Variants in PTPRD observed in about 807,000 individuals in gnomAD.
PTPRD encodes the protein protein tyrosine phosphatase receptor type D.
In PTPRD, 34 loss-of-function variants were observed where a neutral mutation model predicts 214.5. The ratio of observed to expected loss-of-function variants is 0.16; its 90% CI spans 0.12 to 0.21. PTPRD has a LOEUF of 0.21. Ranked by LOEUF, PTPRD falls within the 10% of genes least tolerant of loss-of-function variation. The pLI is 1.00. For synonymous variants in PTPRD, 1,128 were observed against 845.7 expected, an observed-to-expected ratio of 1.33 and a Z score of -5.79; for missense variants, 2,545 against 2,398.7, an observed-to-expected ratio of 1.06 and a Z score of -1.27.
chr9:8,713,423 T>C (rs1428292230), intron 12 of PTPRD: 1 of 1,099,946 alleles, frequency 9.1e-7, no homozygotes, highest in African/African-American at 1.5e-5. Flanking sequence ...CCTAATCGTG[T>C]CGTCGCCAAG....
intron 8 of PTPRD, among the ~76,000 whole-genome samples, chr9:9,419,029 A>C (rs1181905535): frequency 1.3e-5 from 2 of 151,668 alleles, no homozygotes; most frequent in Non-Finnish European, 3.0e-5. Flanking sequence ...TATTTTGTGC[A>C]AAAATTGAAT....
chr9:9,529,415 T>C (rs1462564250), intron 8 of PTPRD, among the ~76,000 whole-genome samples: 18 of 152,006 alleles, frequency 1.2e-4, no homozygotes, highest in Non-Finnish European at 1.5e-5. Context: ...AGCACTAGTA[T>C]ACAGGATCTT....
At chr9:9,550,268 T>A (rs1048237689) in intron 8 of PTPRD, among the ~76,000 whole-genome samples, 1 of 151,708 alleles carries the variant, frequency 6.6e-6, no homozygotes, top group Admixed American at 6.6e-5. Context: ...TCCTGCCAGC[T>A]TTCCCTACAG....
chr9:9,530,673 C>A (rs1192919086), intron 8 of PTPRD, among the ~76,000 whole-genome samples: 1 of 152,042 alleles, frequency 6.6e-6, no homozygotes, highest in Non-Finnish European at 1.5e-5. Flanking sequence ...GTGTCACACA[C>A]AATGACACAC....
At chr9:8,366,633 C>T (rs1362733679) in intron 39 of PTPRD, among the ~76,000 whole-genome samples, 1 of 152,176 alleles carries the variant, frequency 6.6e-6, no homozygotes, top group Non-Finnish European at 1.5e-5. Context: ...CTTGAGGAGG[C>T]AGTCTGACAT....
intron 4 of PTPRD, among the ~76,000 whole-genome samples, chr9:10,003,521 T>G (rs1043826205): frequency 2.6e-5 from 4 of 151,634 alleles, no homozygotes; most frequent in African/African-American, 9.7e-5. Flanking sequence ...CGAGATGGTA[T>G]AAGAGATAGT....
intron 11 of PTPRD, among the ~76,000 whole-genome samples, chr9:8,937,149 G>A (rs1156827271): frequency 2.0e-5 from 3 of 152,012 alleles, no homozygotes; most frequent in Non-Finnish European, 4.4e-5. Context: ...ATATTGTGTT[G>A]AGTAACGTTT....
chr9:9,326,823 T>G (rs1442074439), intron 9 of PTPRD, among the ~76,000 whole-genome samples: 1 of 152,140 alleles, frequency 6.6e-6, no homozygotes, highest in Non-Finnish European at 1.5e-5. Context: ...CTATTTCACC[T>G]TATAAAAACT....
chr9:8,503,630 T>C (rs376122608), intron 23 of PTPRD, among the ~76,000 whole-genome samples: 35 of 152,290 alleles, frequency 2.3e-4, no homozygotes, highest in Admixed American at 1.0e-3. Flanking sequence ...CAAAAAGAAA[T>C]TGAACCCCAG....
intron 2 of PTPRD, among the ~76,000 whole-genome samples, chr9:10,567,091 A>C (rs143007978): frequency 0.011 from 1,610 of 152,104 alleles, 30 homozygotes; most frequent in African/African-American, 0.036. Flanking sequence ...TCTCTCTCCT[A>C]GTATTTAGTA....
intron 3 of PTPRD, among the ~76,000 whole-genome samples, chr9:10,045,546 T>C (rs2097372779): frequency 6.6e-6 from 1 of 151,694 alleles, no homozygotes; most frequent in Non-Finnish European, 1.5e-5. Context: ...ACTATCTGCC[T>C]TTAGGTGTAT....
At chr9:9,608,938 T>G (rs2154343251) in intron 7 of PTPRD, among the ~76,000 whole-genome samples, 1 of 152,324 alleles carries the variant, frequency 6.6e-6, no homozygotes, top group South Asian at 2.1e-4. Flanking sequence ...AAAATACTAC[T>G]TCCCTTTGTT....
At chr9:9,504,486 G>C (rs1251752254) in intron 8 of PTPRD, among the ~76,000 whole-genome samples, 2 of 151,564 alleles carry the variant, frequency 1.3e-5, no homozygotes, top group East Asian at 3.9e-4. Flanking sequence ...CAAAAAACAG[G>C]TGTTAAAGAA....
At chr9:10,173,163 G>A (rs1310811211) in intron 3 of PTPRD, among the ~76,000 whole-genome samples, 1 of 152,128 alleles carries the variant, frequency 6.6e-6, no homozygotes, top group Non-Finnish European at 1.5e-5. Flanking sequence ...ATTGTGATTA[G>A]ATACACTTGT....
chr9:10,544,606 G>T (rs1161756390), intron 2 of PTPRD, among the ~76,000 whole-genome samples: 4 of 152,088 alleles, frequency 2.6e-5, no homozygotes, highest in Non-Finnish European at 5.9e-5. Context: ...AGTATTTAAG[G>T]CTCTAGGACT....
intron 3 of PTPRD, among the ~76,000 whole-genome samples, chr9:10,107,191 G>A (rs951361196): frequency 2.0e-5 from 3 of 151,890 alleles, no homozygotes; most frequent in Non-Finnish European, 2.9e-5. Flanking sequence ...AGATGGAAAC[G>A]GTAAATGAAA....
At chr9:9,195,107 TACACACAC>T (rs57276075) in intron 9 of PTPRD, among the ~76,000 whole-genome samples, 1 of 141,164 alleles carries the variant, frequency 7.1e-6, no homozygotes, top group Non-Finnish European at 1.5e-5. Context: ...TATATATATA[TACACACAC>T]ACACATATAC....
At chr9:8,719,808 AG>A (rs1565538446) in intron 12 of PTPRD, among the ~76,000 whole-genome samples, 1 of 152,122 alleles carries the variant, frequency 6.6e-6, no homozygotes, top group Non-Finnish European at 1.5e-5. Flanking sequence ...AGCGCCAAGT[AG>A]GGCTTTAGCT....
intron 6 of PTPRD, among the ~76,000 whole-genome samples, chr9:9,743,952 T>C (rs1467983468): frequency 1.3e-5 from 2 of 152,106 alleles, no homozygotes; most frequent in Non-Finnish European, 2.9e-5. Context: ...TTAAATAACC[T>C]ACACCTCCTA....
Sources: allele counts gnomAD v4.1 joint callset (sites outside exome capture counted in the v4.1 genomes callset), GRCh38; gene constraint gnomAD v4.1.1; transcripts MANE v1.5; gene names NCBI Gene and HGNC (gene_info 2026-07-23, HGNC 2026-07-21).